The following ADGRF5 variants were observed in gnomAD, a reference collection of about 807,000 sequenced individuals.
The protein encoded by ADGRF5 is adhesion G protein-coupled receptor F5, also known as G-protein coupled receptor 116.
A neutral mutation model predicts 132.3 loss-of-function variants in ADGRF5; 75 were observed. That is an observed-to-expected ratio of 0.57 (90% confidence interval 0.47 to 0.69). The LOEUF (loss-of-function observed/expected upper bound fraction) is 0.69, where lower values mean the gene tolerates loss of function less well. ADGRF5 is among the 30% of genes least tolerant of loss of function. The pLI is 0.00. For synonymous variants in ADGRF5, 629 were observed against 597.6 expected (o/e 1.05, Z -0.77); for missense variants, 1,516 against 1,630.6 (o/e 0.93, Z 1.21).
Position 46,863,074 on chromosome 6 carries a change from A to C in ADGRF5, c.2013T>G (p.Asp671Glu), listed in dbSNP as rs1769982706. Reference sequence around the variant, plus strand: ...CCGGCTCTCCGACACCTATTACGGGATCCTGGCATGTGATGTTTTCCCCTG... The same window carrying C: ...CCGGCTCTCCGACACCTATTACGGGCTCCTGGCATGTGATGTTTTCCCCTG... Reference protein sequence around the residue: ...LVPGENITCQDPVIGVGEPGK... With the variant: ...LVPGENITCQEPVIGVGEPGK... The change falls in exon 15 of 21, where the codon GAT becomes GAG. Residue 671 changes from aspartate to glutamate, a missense_variant. By Grantham distance (45) the Asp-to-Glu change is conservative. Around this residue, in one of 2 missense-constraint regions of ADGRF5, gnomAD observed 945 missense variants for 929.4 expected, o/e 1.02. Transcript: ENST00000283296. 1 of 1,613,828 alleles carries C rather than the reference A, an allele frequency of 6.2e-7. No homozygotes were observed. The highest frequency in any genetic ancestry group is 2.2e-5 in the East Asian group (1 of 44,872).
intron 10 of ADGRF5, among the ~76,000 whole-genome samples, chr6:46,877,378 T>TTCTTTC (rs1554200633): frequency 1.9e-5 from 1 of 51,408 alleles, no homozygotes; most frequent in Non-Finnish European, 4.7e-5. Context: ...TCTTTCTTTC[T>TTCTTTC]TTCTTTCTTC....
rs1769282768 is a variant in ADGRF5 at position 46,858,244 on chromosome 6, C to T, written c.3659G>A (p.Ser1220Asn). The change falls in exon 17 of 21, where the codon AGC becomes AAC. Residue 1220 changes from serine (S) to asparagine (N), a missense_variant. Coordinates refer to ENST00000283296, the MANE Select transcript of ADGRF5 (RefSeq NM_001098518.2). Reference sequence around the variant, plus strand: ...CAAGAGTGGTGTGAGGACCCCAATGCTCTTGCTGATCTGAAACAGGCTGCT... The same window carrying T: ...CAAGAGTGGTGTGAGGACCCCAATGTTCTTGCTGATCTGAAACAGGCTGCT... Reference protein sequence around the residue: ...EKSSLFQISKSIGVLTPLLGL... With the variant: ...EKSSLFQISKNIGVLTPLLGL... The T allele has an allele frequency of 1.2e-6, 2 of 1,613,976 alleles. No individual in the cohort carries two copies. Among genetic ancestry groups the T allele is most frequent in the Admixed American group, 1.7e-5 (1 of 60,002 alleles).
chr6:46,895,824 C>T (rs1774128419), intron 3 of ADGRF5, among the ~76,000 whole-genome samples: 1 of 151,754 alleles, frequency 6.6e-6, no homozygotes, highest in African/African-American at 2.4e-5. Flanking sequence ...TTCATTCCCC[C>T]ATGAAGAGTC....
intron 3 of ADGRF5, among the ~76,000 whole-genome samples, chr6:46,889,666 C>G (rs1268525709): frequency 6.9e-6 from 1 of 144,604 alleles, no homozygotes. Context: ...ATATTGACTA[C>G]TATATATACA....
chr6:46,932,478 G>C (rs1434508020), intron 1 of ADGRF5, among the ~76,000 whole-genome samples: 2 of 152,142 alleles, frequency 1.3e-5, no homozygotes, highest in Non-Finnish European at 2.9e-5. Context: ...CATGGTTGTG[G>C]TTGCTAGTAT....
Position 46,867,063 on chromosome 6 carries a change from G to T in ADGRF5, c.1696C>A (p.Pro566Thr). 2 of 1,613,252 alleles carry T rather than the reference G, an allele frequency of 1.2e-6. No individual in the cohort carries two copies. The highest frequency in any genetic ancestry group is 1.7e-6 in the Non-Finnish European group (2 of 1,179,180). The change falls in exon 13 of 21, where the codon CCT (proline) becomes ACT (threonine). Residue 566 changes from proline to threonine, a missense_variant. By Grantham distance (38) the Pro-to-Thr change is conservative. Transcript: ENST00000283296. ...TCAACCATGATGTTCAGCTTTAGAGGCAGCGGGTGAACAATGACGTCTTTG... is the reference window on the plus strand; with the variant it reads ...TCAACCATGATGTTCAGCTTTAGAGTCAGCGGGTGAACAATGACGTCTTTG... ...ATKDVIVHPL[P>T]LKLNIMVDPL...
At chr6:46,857,004 A>G (rs1188566935) in intron 17 of ADGRF5, 96 bp from the exon 18 acceptor site, 2 of 940,710 alleles carry the variant, frequency 2.1e-6, no homozygotes, top group Admixed American at 2.0e-5. Context: ...AATTTGTACT[A>G]CTTCTTTTTC....
chr6:46,867,953 AG>A (rs1444703661), intron 12 of ADGRF5, among the ~76,000 whole-genome samples: 1 of 152,206 alleles, frequency 6.6e-6, no homozygotes, highest in African/African-American at 2.4e-5. Context: ...TTAGTAGGAA[AG>A]AGTAATTGGA....
At chr6:46,892,299 T>C (rs1773728719) in intron 3 of ADGRF5, among the ~76,000 whole-genome samples, 2 of 152,114 alleles carry the variant, frequency 1.3e-5, no homozygotes. Context: ...ATTAAAAATA[T>C]GAGTTATTAT....
At chr6:46,937,164 T>C (rs909822967) in intron 1 of ADGRF5, among the ~76,000 whole-genome samples, 2 of 152,136 alleles carry the variant, frequency 1.3e-5, no homozygotes, top group Non-Finnish European at 2.9e-5. Flanking sequence ...AAATGAGTTA[T>C]ATGTCTGATG....
At chr6:46,917,393 G>A (rs1776510339) in intron 1 of ADGRF5, among the ~76,000 whole-genome samples, 1 of 152,186 alleles carries the variant, frequency 6.6e-6, no homozygotes, top group Non-Finnish European at 1.5e-5. Context: ...GCATAGCACG[G>A]TAATTAGGCA....
intron 3 of ADGRF5, among the ~76,000 whole-genome samples, chr6:46,897,578 C>G (rs928080694): frequency 1.3e-5 from 2 of 150,960 alleles, no homozygotes; most frequent in Non-Finnish European, 1.5e-5. Flanking sequence ...GAGTCGTGTT[C>G]TTTTTTTTCT....
At position 46,858,722 on chromosome 6, in the gene ADGRF5, G is replaced by A; in HGVS notation, c.3181C>T (p.Leu1061Phe). 6.2e-7 allele frequency: 1 copy of A among 1,614,112 alleles called. No homozygotes were observed. Among genetic ancestry groups the A allele is most frequent in the Non-Finnish European group, 8.5e-7 (1 of 1,180,012 alleles). ...ATGAACCAGGTGTTGGCGACCAGAA[G>A]GGAGGCAGCGATATTCACTATGCAG... ...HTCIVNIAAS[L>F]LVANTWFIVV... The change falls in exon 17 of 21, where the codon CTT becomes TTT. Residue 1061 changes from leucine (L) to phenylalanine (F), a missense_variant. Transcript: ENST00000283296.
chr6:46,885,194 CAAAAAA>C (rs55947622), intron 4 of ADGRF5, among the ~76,000 whole-genome samples: 6 of 123,892 alleles, frequency 4.8e-5, no homozygotes, highest in Non-Finnish European at 8.6e-5. Context: ...GACCCTGTCT[CAAAAAA>C]AAAAAAAAAA....
chr6:46,899,050 T>C (rs1334243740), intron 3 of ADGRF5, among the ~76,000 whole-genome samples: 2 of 152,088 alleles, frequency 1.3e-5, no homozygotes, highest in Non-Finnish European at 2.9e-5. Context: ...ATTACAGTGC[T>C]TTGGGACAAA....
chr6:46,858,445 C>T lies in ADGRF5; in HGVS notation c.3458G>A (p.Arg1153Gln), dbSNP rs145046261. 61 of 1,613,732 alleles carry T rather than the reference C, an allele frequency of 3.8e-5. No individual in the cohort carries two copies. Among genetic ancestry groups the T allele is most frequent in the Middle Eastern group, 1.6e-4 (1 of 6,078 alleles). Reference protein sequence around the residue: ...SVITLGATQPREVYTRKNVCW... With the variant: ...SVITLGATQPQEVYTRKNVCW... ...GACATTCTTCCTCGTATAGACTTCC[C>T]GGGGCTGGGTGGCTCCCAGCGTGAT... The change falls in exon 17 of 21, where the codon CGG becomes CAG. Residue 1153 changes from arginine to glutamine, a missense_variant. Around this residue, in one of 2 missense-constraint regions of ADGRF5, gnomAD observed 571 missense variants for 701.2 expected, o/e 0.81. Transcript: ENST00000283296.
chr6:46,874,107 C>A (rs953897676), intron 10 of ADGRF5, among the ~76,000 whole-genome samples: 3 of 152,220 alleles, frequency 2.0e-5, no homozygotes, highest in Non-Finnish European at 4.4e-5. Context: ...TCAGCTCTCA[C>A]CATCTGATGT....
intron 11 of ADGRF5, among the ~76,000 whole-genome samples, chr6:46,869,912 G>A (rs541534065): frequency 2.0e-5 from 3 of 151,806 alleles, no homozygotes; most frequent in African/African-American, 7.3e-5. Flanking sequence ...CTTCTCACAG[G>A]TTCATGAAAA....
intron 3 of ADGRF5, among the ~76,000 whole-genome samples, chr6:46,892,223 G>C (rs1379204237): frequency 6.6e-6 from 1 of 151,068 alleles, no homozygotes; most frequent in Non-Finnish European, 1.5e-5. Context: ...AAGAGAGAGA[G>C]AGATTTTGGA....
Sources: allele counts gnomAD v4.1 joint callset (sites outside exome capture counted in the v4.1 genomes callset), GRCh38; gene constraint gnomAD v4.1.1; regional missense constraint gnomAD v4.1.1; transcripts MANE v1.5; gene names NCBI Gene and HGNC (gene_info 2026-07-23, HGNC 2026-07-21).